The following PCDHA4 variants were observed in gnomAD, a reference collection of about 807,000 sequenced individuals.
PCDHA4 encodes the protein protocadherin alpha-4.
Under a neutral mutation model 61.4 loss-of-function variants are expected in PCDHA4, and 49 were observed. That is an observed-to-expected ratio of 0.80 (90% confidence interval 0.63 to 1.01). The LOEUF (loss-of-function observed/expected upper bound fraction) is 1.01, where lower values mean the gene tolerates loss of function less well. Among genes scored for constraint, PCDHA4 ranks in the 50% least tolerant of loss-of-function variants. The pLI is 0.00. For missense variants in PCDHA4, 1,254 were observed against 1,235.8 expected, an observed-to-expected ratio of 1.01 and a Z score of -0.22; for synonymous variants, 590 against 550.3, an observed-to-expected ratio of 1.07 and a Z score of -1.01.
At chr5:140,818,883 G>T (rs960281894) in intron 1 of PCDHA4, among the ~76,000 whole-genome samples, 4 of 152,162 alleles carry the variant, frequency 2.6e-5, no homozygotes, top group African/African-American at 9.6e-5. Context: ...GCCTGAGATT[G>T]CATCTCTTGA....
intron 1 of PCDHA4, chr5:140,812,652 A>G (rs2126640535): frequency 6.6e-6 from 1 of 152,200 alleles, no homozygotes; most frequent in South Asian, 2.1e-4. Context: ...AAGAGACAAG[A>G]TCTCACTATG....
chr5:140,836,429 A>G, intron 1 of PCDHA4: 1 of 1,613,806 alleles, frequency 6.2e-7, no homozygotes, highest in Non-Finnish European at 8.5e-7. Flanking sequence ...CGTCGCGGGC[A>G]TCGTTGGGCA....
chr5:140,863,228 C>A, intron 1 of PCDHA4: 1 of 1,183,022 alleles, frequency 8.5e-7, no homozygotes, highest in Non-Finnish European at 1.2e-6. Flanking sequence ...AGGAAGGTCC[C>A]ATCGCGGGCT....
chr5:140,884,484 T>C, intron 1 of PCDHA4: 2 of 1,613,922 alleles, frequency 1.2e-6, no homozygotes, highest in Non-Finnish European at 1.7e-6. Context: ...AAGCCCACTC[T>C]AGTGTGCTCC....
At chr5:140,823,741 C>G (rs782777236) in intron 1 of PCDHA4, 1 of 1,613,838 alleles carries the variant, frequency 6.2e-7, no homozygotes, top group African/African-American at 1.3e-5. Context: ...CCATGGAGAG[C>G]CCCCGCTGAC....
At chr5:140,842,942 G>A in intron 1 of PCDHA4, 1 of 1,594,648 alleles carries the variant, frequency 6.3e-7, no homozygotes, top group Non-Finnish European at 8.6e-7. Flanking sequence ...GCGCGACGCG[G>A]GCGTGCCGCC....
intron 1 of PCDHA4, among the ~76,000 whole-genome samples, chr5:140,847,134 A>G (rs1210661520): frequency 6.7e-6 from 1 of 149,754 alleles, no homozygotes; most frequent in African/African-American, 2.4e-5. Flanking sequence ...AGGAAAACCA[A>G]TGTAAGAAGA....
chr5:140,869,552 C>G lies in PCDHA4; in HGVS notation c.2385+59980C>G, dbSNP rs537127263. ...ATTGCGGAATCTAAGCAATCGGACT[C>G]GCGTTTTCCACTAGAGGGAGCTTCT... On this transcript the variant is annotated intron_variant, in intron 1 of 3. Transcript: ENST00000530339. 12 of 1,614,022 alleles carry G rather than the reference C, an allele frequency of 7.4e-6. No homozygotes were observed. The African/African-American group carries it at 1.5e-4, about 20-fold the overall frequency.
chr5:140,831,878 G>T (rs2150197940), intron 1 of PCDHA4, among the ~76,000 whole-genome samples: 2 of 152,198 alleles, frequency 1.3e-5, no homozygotes, highest in African/African-American at 4.8e-5. Flanking sequence ...ATTGTAAGGC[G>T]CTTATAACTG....
At chr5:140,952,161 G>A (rs1002170545) in intron 1 of PCDHA4, among the ~76,000 whole-genome samples, 1 of 152,046 alleles carries the variant, frequency 6.6e-6, no homozygotes, top group Non-Finnish European at 1.5e-5. Flanking sequence ...GCTTTGTGGG[G>A]TTCAGTTCCT....
In PCDHA4 at chr5:140,884,542, G is replaced by T. The variant is rs1554181706; in HGVS notation, c.2385+74970G>T. 1.9e-6 allele frequency: 3 copies of T among 1,614,126 alleles called. No individual in the cohort carries two copies. In the Admixed American group the frequency reaches 5.0e-5, roughly 27 times the overall value. ...ACTCGCAGCAGAGGCGGCCGAGGGT[G>T]TGCTCTGGGGAGGGCCCGCATAAGA... On this transcript the variant is annotated intron_variant, in intron 1 of 3. Transcript: ENST00000530339.
chr5:140,820,438 A>G (rs2150106905), intron 1 of PCDHA4, among the ~76,000 whole-genome samples: 1 of 151,986 alleles, frequency 6.6e-6, no homozygotes, highest in African/African-American at 2.4e-5. Context: ...AGAATTGCTA[A>G]TCTCTTGGTC....
At chr5:140,897,443 G>T (rs533610542) in intron 1 of PCDHA4, among the ~76,000 whole-genome samples, 75 of 150,100 alleles carry the variant, frequency 5.0e-4, no homozygotes, top group Middle Eastern at 3.5e-3. Flanking sequence ...GCAGTGTTTG[G>T]TTTTTTGTCC....
chr5:140,900,630 G>A (rs1355486036), intron 1 of PCDHA4, among the ~76,000 whole-genome samples: 3 of 152,132 alleles, frequency 2.0e-5, no homozygotes, highest in African/African-American at 7.2e-5. Context: ...TCCAAATCTT[G>A]GCTATTGTGA....
At chr5:140,982,878 C>T (rs2097013352) in intron 3 of PCDHA4, among the ~76,000 whole-genome samples, 1 of 151,992 alleles carries the variant, frequency 6.6e-6, no homozygotes, top group South Asian at 2.1e-4. Flanking sequence ...TCATCCAAGC[C>T]ATGCAGAGAA....
chr5:140,855,175 T>C (rs1554147660), intron 1 of PCDHA4, among the ~76,000 whole-genome samples: 1 of 149,898 alleles, frequency 6.7e-6, no homozygotes, highest in African/African-American at 2.4e-5. Context: ...TGAAAACAAA[T>C]GTGGCCAAAT....
chr5:140,849,684 C>A (rs782599904), intron 1 of PCDHA4: 2 of 1,598,734 alleles, frequency 1.3e-6, no homozygotes, highest in Non-Finnish European at 8.6e-7. Flanking sequence ...CCCCTTCAAG[C>A]TGGTGTCCAC....
chr5:141,000,389 C>CTA (rs2097911342), intron 3 of PCDHA4, among the ~76,000 whole-genome samples: 14 of 62,576 alleles, frequency 2.2e-4, no homozygotes, highest in South Asian at 6.5e-4. Context: ...CTCTCTCTCT[C>CTA]TCTCTCTATA....
In PCDHA4 at chr5:140,855,922, T is replaced by C. The variant is rs2043674213; in HGVS notation, c.2385+46350T>C. ...AGCCAGTTTCTCAAGGACTAGGAAG[T>C]AGCGTCATTCTGAGATCTCAGCCAT... On this transcript the variant is annotated intron_variant, in intron 1 of 3. Transcript: ENST00000530339. The C allele has an allele frequency of 3.3e-6, 4 of 1,227,726 alleles. No homozygotes were observed. In the Admixed American group the frequency reaches 1.0e-4, roughly 31 times the overall value. The allele number at this position is 1,227,726 out of a possible 1,614,324, so 76.1% of individuals were successfully genotyped here.
Sources: gnomAD v4.1 joint callset for allele counts (sites outside exome capture counted in the v4.1 genomes callset) on GRCh38, gnomAD v4.1.1 for gene constraint, MANE v1.5 for transcripts, NCBI Gene and HGNC (gene_info 2026-07-23, HGNC 2026-07-21) for gene names.